KCNH8: variants seen among roughly 807,000 people sequenced by gnomAD.
The protein encoded by KCNH8 is potassium voltage-gated channel subfamily H member 8.
Under a neutral mutation model 103.6 loss-of-function variants are expected in KCNH8, and 70 were observed. The ratio of observed to expected loss-of-function variants is 0.68; its 90% CI spans 0.56 to 0.82. The LOEUF is 0.82. Ranked by LOEUF, KCNH8 falls within the 40% of genes least tolerant of loss-of-function variation. The pLI is 0.00. For synonymous variants in KCNH8, 498 were observed against 489.4 expected, an observed-to-expected ratio of 1.02 and a Z score of -0.23; for missense variants, 1,217 against 1,329.9, an observed-to-expected ratio of 0.92 and a Z score of 1.32.
At chr3:19,271,654 C>G (rs1349650985) in intron 2 of KCNH8, among the ~76,000 whole-genome samples, 1 of 152,114 alleles carries the variant, frequency 6.6e-6, no homozygotes, top group African/African-American at 2.4e-5. Context: ...GCTCTTAACC[C>G]TGGCCTCCTC....
At chr3:19,443,038 G>T (rs2067305616) in intron 8 of KCNH8, among the ~76,000 whole-genome samples, 1 of 151,442 alleles carries the variant, frequency 6.6e-6, no homozygotes, top group Non-Finnish European at 1.5e-5. Flanking sequence ...AATTTATTTT[G>T]TTTACTTAAT....
chr3:19,459,150 T>A (rs1681924246), intron 11 of KCNH8, among the ~76,000 whole-genome samples: 1 of 152,030 alleles, frequency 6.6e-6, no homozygotes, highest in Non-Finnish European at 1.5e-5. Flanking sequence ...TACTTCTATT[T>A]TTAATTTTTT....
chr3:19,471,980 CT>C (rs1456024507), intron 11 of KCNH8, among the ~76,000 whole-genome samples: 1 of 152,088 alleles, frequency 6.6e-6, no homozygotes, highest in African/African-American at 2.4e-5. Context: ...GACTTATGCA[CT>C]TTTTTCTGTA....
intron 11 of KCNH8, among the ~76,000 whole-genome samples, chr3:19,507,807 C>CA: frequency 1.3e-5 from 2 of 152,246 alleles, no homozygotes; most frequent in Non-Finnish European, 2.9e-5. Flanking sequence ...AGCCTGAAGG[C>CA]AACAGGGAGG....
At chr3:19,372,691 G>A (rs968334797) in intron 5 of KCNH8, among the ~76,000 whole-genome samples, 13 of 152,140 alleles carry the variant, frequency 8.5e-5, no homozygotes, top group African/African-American at 1.2e-4. Context: ...CCTTCTGCCC[G>A]TTTTCAAAGG....
At chr3:19,160,178 A>G (rs942460127) in intron 1 of KCNH8, among the ~76,000 whole-genome samples, 3 of 152,152 alleles carry the variant, frequency 2.0e-5, no homozygotes, top group African/African-American at 7.2e-5. Flanking sequence ...AATAAGCATC[A>G]GCATGTATTT....
At chr3:19,154,362 C>T (rs1165735322) in intron 1 of KCNH8, among the ~76,000 whole-genome samples, 2 of 152,076 alleles carry the variant, frequency 1.3e-5, no homozygotes, top group Non-Finnish European at 2.9e-5. Context: ...GTAGGTTAGA[C>T]CAGCCATAAA....
intron 1 of KCNH8, among the ~76,000 whole-genome samples, chr3:19,161,311 G>A (rs2063232148): frequency 6.6e-6 from 1 of 152,276 alleles, no homozygotes; most frequent in South Asian, 2.1e-4. Context: ...GGGAATTACT[G>A]TATGTAGCAT....
At chr3:19,487,012 G>A (rs1199916956) in intron 11 of KCNH8, among the ~76,000 whole-genome samples, 2 of 152,110 alleles carry the variant, frequency 1.3e-5, no homozygotes, top group South Asian at 2.1e-4. Flanking sequence ...TTGCGCACCC[G>A]ACTGCCAAGG....
At chr3:19,232,847 G>C (rs948052525) in intron 1 of KCNH8, among the ~76,000 whole-genome samples, 2 of 152,120 alleles carry the variant, frequency 1.3e-5, no homozygotes, top group Non-Finnish European at 2.9e-5. Context: ...AATAGTTCTT[G>C]GCCATTTCAG....
intron 7 of KCNH8, among the ~76,000 whole-genome samples, chr3:19,403,106 A>T (rs2066637130): frequency 6.6e-6 from 1 of 151,684 alleles, no homozygotes; most frequent in South Asian, 2.1e-4. Flanking sequence ...CCTGACAATT[A>T]TTAATATAAG....
At chr3:19,342,796 A>G (rs533300017) in intron 4 of KCNH8, 82 bp downstream of exon 4, 17 of 1,349,832 alleles carry the variant, frequency 1.3e-5, no homozygotes, top group Non-Finnish European at 1.6e-5. Flanking sequence ...GGCCTCAATT[A>G]CCCATTTATT....
At chr3:19,231,320 C>G (rs1395678041) in intron 1 of KCNH8, among the ~76,000 whole-genome samples, 1 of 152,122 alleles carries the variant, frequency 6.6e-6, no homozygotes, top group Non-Finnish European at 1.5e-5. Context: ...TTGTGTCATT[C>G]ACTAGTGTAG....
At chr3:19,219,993 C>T (rs1025672996) in intron 1 of KCNH8, among the ~76,000 whole-genome samples, 14 of 152,188 alleles carry the variant, frequency 9.2e-5, no homozygotes, top group African/African-American at 2.7e-4. Context: ...GGGCCACAGA[C>T]GTTACATCTA....
At chr3:19,288,181 C>CTTTTTTTTTTTTTTT (rs767659898) in intron 3 of KCNH8, among the ~76,000 whole-genome samples, 6 of 38,174 alleles carry the variant, frequency 1.6e-4, no homozygotes, top group African/African-American at 5.8e-4. Flanking sequence ...TATCAAACTT[C>CTTTTTTTTTTTTTTT]TTTTTTTTTT....
chr3:19,296,982 T>A (rs1219867105), intron 3 of KCNH8, among the ~76,000 whole-genome samples: 1 of 152,144 alleles, frequency 6.6e-6, no homozygotes, highest in Non-Finnish European at 1.5e-5. Context: ...CAATATATAT[T>A]ATTTATTAAT....
chr3:19,186,874 A>C (rs1375491681), intron 1 of KCNH8, among the ~76,000 whole-genome samples: 2 of 152,022 alleles, frequency 1.3e-5, no homozygotes, highest in Admixed American at 1.3e-4. Context: ...TCTGCTTCTT[A>C]AGCAAGGATT....
intron 15 of KCNH8, among the ~76,000 whole-genome samples, chr3:19,532,084 G>A (rs2069172051): frequency 6.6e-6 from 1 of 152,112 alleles, no homozygotes; most frequent in African/African-American, 2.4e-5. Context: ...GAAAAGCTAC[G>A]TTTAAGTGAA....
In KCNH8 at chr3:19,321,378, T is replaced by G. The variant is rs2065347663; in HGVS notation, c.443-21209T>G. 2.6e-5 allele frequency among the ~76,000 whole-genome samples: 4 copies of G among 151,984 alleles called. No homozygotes were observed. In the South Asian group the frequency reaches 8.3e-4, roughly 31 times the overall value. On this transcript the variant is annotated intron_variant, in intron 3 of 15. Transcript: ENST00000328405. ...CTGTATCCCAGAGGTATTGATACAT[T>G]GTGTCACTATTTTTCAGTTCAAAGA...
Sources: gnomAD v4.1 joint callset for allele counts (sites outside exome capture counted in the v4.1 genomes callset) on GRCh38, gnomAD v4.1.1 for gene constraint, MANE v1.5 for transcripts, NCBI Gene and HGNC (gene_info 2026-07-23, HGNC 2026-07-21) for gene names.